MRPS15: variants seen among roughly 807,000 people sequenced by gnomAD.
MRPS15 encodes mitochondrial ribosomal protein S15, also known as small ribosomal subunit protein uS15m.
A neutral mutation model predicts 30.7 loss-of-function variants in MRPS15; 25 were observed. The observed-to-expected ratio is 0.81, with a 90% CI of 0.59 to 1.14. MRPS15 has a LOEUF of 1.14. MRPS15 is among the 50% of genes most tolerant of loss of function. The probability of loss-of-function intolerance (pLI) is 0.00; values close to 1 mark genes in which losing one functional copy is unlikely to be tolerated. For missense variants in MRPS15, 313 were observed against 321.7 expected (o/e 0.97, Z 0.21); for synonymous variants, 124 against 120.1 (o/e 1.03, Z -0.21).
intron 6 of MRPS15, among the ~76,000 whole-genome samples, chr1:36,456,839 A>G (rs1361177926): frequency 6.6e-6 from 1 of 152,234 alleles, no homozygotes; most frequent in African/African-American, 2.4e-5. Flanking sequence ...TGTGATCTTT[A>G]AGAAGCAGGC....
At chr1:36,463,069 T>G (rs1399198546) in intron 2 of MRPS15, among the ~76,000 whole-genome samples, 1 of 152,124 alleles carries the variant, frequency 6.6e-6, no homozygotes, top group Non-Finnish European at 1.5e-5. Context: ...TTCAAGCGAT[T>G]CTCCTGCCTC....
Position 36,460,774 on chromosome 1 carries a change from C to T in MRPS15, c.303G>A (p.Lys101=), listed in dbSNP as rs759420776. The T allele has an allele frequency of 5.0e-6, 8 of 1,613,622 alleles. No homozygotes were observed. In the Admixed American group the frequency reaches 1.2e-4, roughly 24 times the overall value. The change falls in exon 5 of 8, where the codon AAG becomes AAA. Residue 101 remains lysine, a splice_region_variant and synonymous_variant. Coordinates refer to ENST00000373116, the MANE Select transcript of MRPS15 (RefSeq NM_031280.4). ...RLLSLEMANK[K]EMLKIKQEQF... Reference sequence around the variant, plus strand: ...GTTCTTGCTTGATTTTTAGCATCTCCTTCTGTTGAAGACAGAGACAGAGAA... The same window carrying T: ...GTTCTTGCTTGATTTTTAGCATCTCTTTCTGTTGAAGACAGAGACAGAGAA...
At position 36,455,746 on chromosome 1, in the gene MRPS15, TC is replaced by T; in HGVS notation, c.*41del. 1 of 1,605,908 alleles carries T rather than the reference TC, an allele frequency of 6.2e-7. No individual in the cohort carries two copies. Among genetic ancestry groups the T allele is most frequent in the Non-Finnish European group, 8.5e-7 (1 of 1,176,976 alleles). On this transcript the variant is annotated 3_prime_UTR_variant, in exon 8 of 8. Transcript: ENST00000373116. ...AGGCCAAAAAGAGCCCCATCATCTC[TC>T]CTATCATTCTTCAAGACAGAAAGAA...
chr1:36,456,195 A>G lies in MRPS15; in HGVS notation c.628T>C (p.Cys210Arg), dbSNP rs1649990069. The change falls in exon 7 of 8, where the codon TGC (cysteine) becomes CGC (arginine). Residue 210 changes from cysteine (C) to arginine (R), a missense_variant. Coordinates refer to ENST00000373116, the MANE Select transcript of MRPS15 (RefSeq NM_031280.4). ...HRRFVTKKALCIRVFQETQKL... is the reference protein window; with the variant it reads ...HRRFVTKKALRIRVFQETQKL... ...GCAATTCTGACTCGTACCCGAATGC[A>G]CAGAGCCTTCTTGGTCACGAATCGG... The G allele has an allele frequency of 6.2e-7, 1 of 1,609,320 alleles. No individual in the cohort carries two copies. Among genetic ancestry groups the G allele is most frequent in the Non-Finnish European group, 8.5e-7 (1 of 1,177,458 alleles).
Position 36,457,957 on chromosome 1 carries a change from C to A in MRPS15, c.410G>T (p.Arg137Leu), listed in dbSNP as rs898639082. The change falls in exon 6 of 8, where the codon CGC becomes CTC. Residue 137 changes from arginine (R) to leucine (L), a missense_variant. Transcript: ENST00000373116. ...ARIIALSVKI[R>L]SYEEHLEKHR... ...TTTCTCCAAGTGTTCTTCATAACTG[C>A]GGATCTTGACAGACAAGGCAATAAC... 1.9e-6 allele frequency: 3 copies of A among 1,614,052 alleles called. No homozygotes were observed. In the African/African-American group the frequency reaches 4.0e-5, roughly 22 times the overall value.
rs1383385264 is a variant in MRPS15, at chr1:36,456,295, A to G, written c.528T>C (p.Asp176=). The change falls in exon 7 of 8, where the codon GAT becomes GAC. Residue 176 remains aspartate (D), a synonymous_variant. Transcript: ENST00000373116. ...GCCCCCAGCATATCTTCTCAAAGAC[A>G]TCATAGTTGGTGTTACGGAGGTTTT... ...MLKNLRNTNY[D]VFEKICWGLG... The G allele has an allele frequency of 1.9e-6, 3 of 1,614,074 alleles. No homozygotes were observed. Among genetic ancestry groups the G allele is most frequent in the Non-Finnish European group, 2.5e-6 (3 of 1,180,042 alleles).
intron 6 of MRPS15, among the ~76,000 whole-genome samples, chr1:36,457,687 A>T (rs1200090826): frequency 1.3e-5 from 2 of 152,182 alleles, no homozygotes; most frequent in Non-Finnish European, 2.9e-5. Context: ...TGCATTCAAC[A>T]AATATTTACT....
At chr1:36,462,298 C>T in intron 2 of MRPS15, 135 bp from the exon 3 acceptor site, 1 of 615,644 alleles carries the variant, frequency 1.6e-6, no homozygotes, top group South Asian at 2.1e-5. Context: ...CTGGATATCT[C>T]TCGGCTCAGT....
At chr1:36,461,525 C>A (rs1317596941) in intron 3 of MRPS15, among the ~76,000 whole-genome samples, 1 of 152,076 alleles carries the variant, frequency 6.6e-6, no homozygotes, top group Non-Finnish European at 1.5e-5. Context: ...GCTGTCAGCT[C>A]GACTGTTCCG....
At chr1:36,464,073 T>A (rs934076326) in intron 1 of MRPS15, 73 bp downstream of exon 1, 22 of 1,579,528 alleles carry the variant, frequency 1.4e-5, no homozygotes, top group Non-Finnish European at 1.9e-5. Context: ...CCCCTACTCC[T>A]GTGCTTCCTT....
chr1:36,462,131 A>G lies in MRPS15; in HGVS notation c.208T>C (p.Ser70Pro). ...TTCTGGTAGTCTTTGAGCAGCGTAG[A>G]GGGAGGTGGGTCATCATCCAGCCTA... is the stretch of plus-strand genomic sequence containing the variant. ...QSRLDDDPPP[S>P]TLLKDYQNVP... Residue 70 changes from serine (S) to proline (P), a missense_variant, in exon 3 of 8, where the codon TCT becomes CCT. Ser to Pro is a moderately conservative substitution (Grantham distance 74). Coordinates refer to ENST00000373116, the MANE Select transcript of MRPS15 (RefSeq NM_031280.4). The G allele has an allele frequency of 1.2e-6, 2 of 1,613,470 alleles. No homozygotes were observed. The highest frequency in any genetic ancestry group is 1.1e-5 in the South Asian group (1 of 91,040).
intron 1 of MRPS15, 87 bp downstream of exon 1, chr1:36,464,059 A>ATCTCCCCTACTCCAGTGCTTCCT: frequency 6.5e-7 from 1 of 1,544,544 alleles, no homozygotes; most frequent in East Asian, 2.3e-5. Context: ...ACCGCTGTAT[A>ATCTCCCCTACTCCAGTGCTTCCT]TCTCCCCTAC....
In MRPS15 at chr1:36,458,000, G is replaced by C. The variant is rs1475367118; in HGVS notation, c.386-19C>G. On this transcript the variant is annotated intron_variant, in intron 5 of 7. Coordinates refer to ENST00000373116, the MANE Select transcript of MRPS15 (RefSeq NM_031280.4). The stretch of plus-strand genomic sequence containing the variant: ...GCAATAACTGAAACCACAAACCACA[G>C]AGGATGAGAGTTGGGCACAGAGGAA... The C allele has an allele frequency of 2.3e-5, 37 of 1,613,362 alleles. No homozygotes were observed. Among genetic ancestry groups the C allele is most frequent in the Non-Finnish European group, 3.0e-5 (35 of 1,179,280 alleles).
chr1:36,461,503 A>G (rs1650098198), intron 3 of MRPS15, among the ~76,000 whole-genome samples, 191 bp from the exon 4 acceptor site: 1 of 152,234 alleles, frequency 6.6e-6, no homozygotes, highest in Non-Finnish European at 1.5e-5. Flanking sequence ...GGCTGAAACT[A>G]CAGAAACTGG....
chr1:36,460,621 C>CA, intron 5 of MRPS15, 71 bp downstream of exon 5: 2 of 1,175,472 alleles, frequency 1.7e-6, no homozygotes, highest in East Asian at 4.7e-5. Context: ...TGCTTGTAGA[C>CA]AAGAGCCCTA....
In MRPS15 at chr1:36,457,782, A is replaced by C. The variant is rs1157784596; in HGVS notation, c.444+141T>G. 3 of 739,534 alleles carry C rather than the reference A, an allele frequency of 4.1e-6. No individual in the cohort carries two copies. In the African/African-American group the frequency reaches 5.3e-5, roughly 13 times the overall value. The allele number at this position is 739,534 out of a possible 1,614,324, so 45.8% of individuals were successfully genotyped here. A position where few individuals can be genotyped will look rare whatever the true frequency, so the allele number is the denominator to read the frequency against. On this transcript the variant is annotated intron_variant, in intron 6 of 7. Transcript: ENST00000373116. The stretch of plus-strand genomic sequence containing the variant: ...TGGTGACACTCAGCATGGCCTTGTA[A>C]GGCTCCAAGTCCTCTGGAGGCAGGA...
rs1023540527 is a variant in MRPS15 at position 36,458,605 on chromosome 1, C to T, written c.386-624G>A. 1 of 152,408 alleles carries T rather than the reference C, an allele frequency of 6.6e-6. No homozygotes were observed. The allele number at this position is 152,408 out of a possible 1,614,324, so 9.4% of individuals were successfully genotyped here. A position where few individuals can be genotyped will look rare whatever the true frequency, so the allele number is the denominator to read the frequency against. ...CAGGATACAGTGCTATCATGGTTAA[C>T]AATTCAACATTGTATTAGAGGTCCA... is the stretch of plus-strand genomic sequence containing the variant. On this transcript the variant is annotated intron_variant, in intron 5 of 7. Coordinates refer to ENST00000373116, the MANE Select transcript of MRPS15 (RefSeq NM_031280.4). This position sits in a 1 kb window ranked among gnomAD's most constrained non-coding sequence, Gnocchi z 4.5.
chr1:36,461,819 A>C (rs1650105363), intron 3 of MRPS15, among the ~76,000 whole-genome samples: 1 of 152,136 alleles, frequency 6.6e-6, no homozygotes, highest in Non-Finnish European at 1.5e-5. Flanking sequence ...ATTTCTACAA[A>C]GACCTGTGAA....
chr1:36,460,547 C>T (rs1650074698), intron 5 of MRPS15, 145 bp downstream of exon 5: 1 of 645,358 alleles, frequency 1.5e-6, no homozygotes, highest in Non-Finnish European at 2.8e-6. Context: ...GCTTGGGATA[C>T]AGGGTCCAAT....
Sources: gnomAD v4.1 joint callset for allele counts (sites outside exome capture counted in the v4.1 genomes callset) on GRCh38, gnomAD v4.1.1 for gene constraint, Gnocchi (gnomAD v3.1) non-coding constraint, MANE v1.5 for transcripts, NCBI Gene and HGNC (gene_info 2026-07-23, HGNC 2026-07-21) for gene names.